Variants in ERICH1 observed in about 807,000 individuals in gnomAD.
The protein encoded by ERICH1 is glutamate-rich protein 1.
Under a neutral mutation model 39.6 loss-of-function variants are expected in ERICH1, and 56 were observed. The ratio of observed to expected loss-of-function variants is 1.41; its 90% CI spans 1.14 to 1.77. The LOEUF is 1.77. ERICH1 is among the 40% of genes most tolerant of loss of function. The probability of loss-of-function intolerance (pLI) is 0.00; values close to 1 mark genes in which losing one functional copy is unlikely to be tolerated. For synonymous variants in ERICH1, 313 were observed against 223.6 expected (o/e 1.40, Z -3.57); for missense variants, 826 against 575.4 (o/e 1.44, Z -4.45).
At chr8:638,987 C>T (rs1434258031) in intron 3 of ERICH1, among the ~76,000 whole-genome samples, 3 of 152,228 alleles carry the variant, frequency 2.0e-5, no homozygotes, top group Non-Finnish European at 2.9e-5. Context: ...CAACTGCCCC[C>T]CTACCAGTCA....
rs114773783 is a variant in ERICH1, at chr8:622,368, G to C, written c.977-7084C>G. On this transcript the variant is annotated intron_variant, in intron 3 of 3. Transcript: ENST00000522706. ...AGAGTGACTAGGTCATGAGGGCCCTGTGAAAATGAATAGGATTAATGCTTT... is the reference window on the plus strand; with the variant it reads ...AGAGTGACTAGGTCATGAGGGCCCTCTGAAAATGAATAGGATTAATGCTTT... Among the ~76,000 whole-genome samples, 568 of 152,292 alleles carry C rather than the reference G, an allele frequency of 3.7e-3. 4 individuals are homozygous for C. The highest frequency in any genetic ancestry group is 0.013 in the African/African-American group (532 of 41,550).
chr8:623,965 C>G (rs572540650), intron 3 of ERICH1, among the ~76,000 whole-genome samples: 1 of 152,062 alleles, frequency 6.6e-6, no homozygotes, highest in Non-Finnish European at 1.5e-5. Flanking sequence ...AGACAACATA[C>G]AGAATGGGAG....
In ERICH1 at chr8:700,456, G is replaced by GCACACGCGCACAGGCCCA. The variant is rs1811795403; in HGVS notation, c.170-7845_170-7844insTGGGCCTGTGCGCGTGTG. Among the ~76,000 whole-genome samples the GCACACGCGCACAGGCCCA allele has an allele frequency of 2.3e-5, 2 of 86,606 alleles. 1 individual carries two copies. The highest frequency in any genetic ancestry group is 8.3e-5 in the African/African-American group (2 of 24,148). The allele number at this position is 86,606 out of a possible 152,430, so 56.8% of individuals were successfully genotyped here. On this transcript the variant is annotated intron_variant, in intron 2 of 5. Coordinates refer to ENST00000262109, the MANE Select transcript of ERICH1 (RefSeq NM_207332.3). ...ACAGGCCCTCACAGGCCACAGACCC[G>GCACACGCGCACAGGCCCA]CACAGGCGCACAGACCCGCACAGGC...
intron 5 of ERICH1, chr8:667,487 G>C (rs1379280889): frequency 1.3e-5 from 2 of 152,786 alleles, no homozygotes; most frequent in East Asian, 1.9e-4. Flanking sequence ...CCGAGTATCT[G>C]GCTTCTTTTC....
intron 1 of ERICH1, among the ~76,000 whole-genome samples, chr8:721,341 C>A (rs1189238906): frequency 6.6e-6 from 1 of 152,096 alleles, no homozygotes; most frequent in Non-Finnish European, 1.5e-5. Flanking sequence ...AATTACTTTC[C>A]ACCAGCTAAT....
intron 1 of ERICH1, among the ~76,000 whole-genome samples, chr8:729,081 C>G (rs1415040367): frequency 6.6e-6 from 1 of 152,178 alleles, no homozygotes; most frequent in African/African-American, 2.4e-5. Flanking sequence ...AGCCTCAAAG[C>G]ACAGCAGAGC....
intron 2 of ERICH1, among the ~76,000 whole-genome samples, chr8:711,562 C>T (rs1417796143): frequency 6.6e-6 from 1 of 150,930 alleles, no homozygotes; most frequent in Non-Finnish European, 1.5e-5. Flanking sequence ...GCAGTGGCAA[C>T]ATCTCAGCTC....
chr8:636,734 G>T (rs1040753598), intron 3 of ERICH1, among the ~76,000 whole-genome samples: 14 of 152,360 alleles, frequency 9.2e-5, no homozygotes, highest in African/African-American at 3.1e-4. Context: ...GAACGGTGCA[G>T]ACCTGGCCTC....
downstream of ERICH1, among the ~76,000 whole-genome samples, chr8:660,124 CT>C (rs577330457): frequency 3.6e-4 from 52 of 145,072 alleles, no homozygotes; most frequent in South Asian, 4.2e-3. Flanking sequence ...GACTCTCCCC[CT>C]GGCCCCTGCC....
At chr8:642,970 A>T (rs1216461884) in intron 3 of ERICH1, among the ~76,000 whole-genome samples, 4 of 152,070 alleles carry the variant, frequency 2.6e-5, no homozygotes. Context: ...GACGCCGCCG[A>T]GTCACTTGTT....
chr8:629,030 C>G (rs1283811071), intron 3 of ERICH1, among the ~76,000 whole-genome samples: 1 of 152,180 alleles, frequency 6.6e-6, no homozygotes, highest in Non-Finnish European at 1.5e-5. Context: ...GCTCTCGGGG[C>G]CATGCAAACC....
In ERICH1 at chr8:711,941, T is replaced by C. The variant is rs111998281; in HGVS notation, c.169+3920A>G. Among the ~76,000 whole-genome samples, 1,426 of 152,346 alleles carry C rather than the reference T, an allele frequency of 9.4e-3. 27 individuals carry two copies. The highest frequency in any genetic ancestry group is 0.032 in the African/African-American group (1,332 of 41,580). ...CCTTTGTTTGCTCCTGTATCAAAGA[T>C]AAGTCAGTGGTATTTATGTGGGTCT... On this transcript the variant is annotated intron_variant, in intron 2 of 5. Coordinates refer to ENST00000262109, the MANE Select transcript of ERICH1 (RefSeq NM_207332.3).
intron 3 of ERICH1, among the ~76,000 whole-genome samples, chr8:650,974 C>T (rs1296868221): frequency 2.6e-5 from 4 of 152,180 alleles, no homozygotes; most frequent in African/African-American, 4.8e-5. Context: ...ACAGCAGATA[C>T]GAATCACCGA....
chr8:630,117 G>C (rs9802164), intron 3 of ERICH1, among the ~76,000 whole-genome samples: 430 of 48,474 alleles, frequency 8.9e-3, no homozygotes, highest in Middle Eastern at 0.02. Flanking sequence ...CCTCCCGTGA[G>C]CACCCACACA....
intron 3 of ERICH1, among the ~76,000 whole-genome samples, chr8:656,010 T>G (rs1312515722): frequency 6.6e-6 from 1 of 152,110 alleles, no homozygotes; most frequent in Non-Finnish European, 1.5e-5. Flanking sequence ...CAGATGCTGC[T>G]GCAGGGCTGT....
chr8:724,543 G>C (rs1334711166), intron 1 of ERICH1, among the ~76,000 whole-genome samples: 6 of 152,124 alleles, frequency 3.9e-5, no homozygotes, highest in Non-Finnish European at 8.8e-5. Flanking sequence ...GGACCTCAGA[G>C]CAGCCCACTC....
At chr8:698,276 C>A (rs1008764360) in intron 2 of ERICH1, among the ~76,000 whole-genome samples, 2 of 150,548 alleles carry the variant, frequency 1.3e-5, no homozygotes, top group Admixed American at 6.6e-5. Flanking sequence ...TGGAGTGCAG[C>A]GGCTCGATCT....
At chr8:674,079 A>T in intron 3 of ERICH1, 32 bp from the exon 4 acceptor site, 4 of 1,508,304 alleles carry the variant, frequency 2.7e-6, no homozygotes, top group Non-Finnish European at 3.5e-6. Flanking sequence ...AACAATTTTC[A>T]GTACAATGAA....
intron 3 of ERICH1, chr8:626,179 A>G (rs909316862): frequency 1.3e-5 from 2 of 152,198 alleles, no homozygotes; most frequent in Admixed American, 1.3e-4. Context: ...AGATGAGCAA[A>G]AATAGACAGC....
Sources: allele counts gnomAD v4.1 joint callset (sites outside exome capture counted in the v4.1 genomes callset), GRCh38; gene constraint gnomAD v4.1.1; transcripts MANE v1.5; gene names NCBI Gene and HGNC (gene_info 2026-07-23, HGNC 2026-07-21).